The following RBFOX1 variants were observed in gnomAD, a reference collection of about 807,000 sequenced individuals.
RBFOX1 encodes the protein RNA binding fox-1 homolog 1.
Under a neutral mutation model 57.7 loss-of-function variants are expected in RBFOX1, and 8 were observed. The observed-to-expected ratio is 0.14, with a 90% CI of 0.08 to 0.25. The LOEUF is 0.25. RBFOX1 is among the 10% of genes least tolerant of loss of function. The probability of loss-of-function intolerance (pLI) is 1.00; values close to 1 mark genes in which losing one functional copy is unlikely to be tolerated. For synonymous variants in RBFOX1, 326 were observed against 222.4 expected, an observed-to-expected ratio of 1.47 and a Z score of -4.15; for missense variants, 611 against 548.5, an observed-to-expected ratio of 1.11 and a Z score of -1.14.
chr16:7,156,591 A>G (rs2077200554), intron 4 of RBFOX1, among the ~76,000 whole-genome samples: 2 of 152,164 alleles, frequency 1.3e-5, no homozygotes, highest in African/African-American at 4.8e-5. Flanking sequence ...GCATGCAGAT[A>G]TACATATATG....
chr16:7,630,508 T>C, intron 10 of RBFOX1, 95 bp from the exon 11 acceptor site: 1 of 1,566,160 alleles, frequency 6.4e-7, no homozygotes, highest in Non-Finnish European at 8.6e-7. Context: ...GGCTATGTTT[T>C]CATTTCTCTG....
chr16:6,449,851 A>G (rs921844591), intron 2 of RBFOX1, among the ~76,000 whole-genome samples: 8 of 152,182 alleles, frequency 5.3e-5, no homozygotes, highest in Admixed American at 6.5e-5. Flanking sequence ...AATCTGCAGG[A>G]AAGTGGATAT....
At chr16:5,691,141 G>C (rs1163518350) in intron 3 of RBFOX1, among the ~76,000 whole-genome samples, 5 of 152,180 alleles carry the variant, frequency 3.3e-5, no homozygotes. Context: ...TAGTTGTTAA[G>C]TTTTCCCTTA....
chr16:6,843,791 A>G (rs993977160), intron 3 of RBFOX1, among the ~76,000 whole-genome samples: 5 of 152,218 alleles, frequency 3.3e-5, no homozygotes, highest in African/African-American at 9.6e-5. Context: ...ATTCTGTTCC[A>G]TGCCAAAAGA....
chr16:6,216,776 T>A (rs576334508), intron 1 of RBFOX1, among the ~76,000 whole-genome samples: 2 of 152,354 alleles, frequency 1.3e-5, no homozygotes, highest in African/African-American at 2.4e-5. Flanking sequence ...AAAAGCAAAT[T>A]CTTTTATTTC....
intron 2 of RBFOX1, among the ~76,000 whole-genome samples, chr16:6,395,872 C>G (rs1198984485): frequency 6.6e-6 from 1 of 151,724 alleles, no homozygotes; most frequent in Non-Finnish European, 1.5e-5. Flanking sequence ...TCATGAGCAG[C>G]CTGGGCAACA....
chr16:7,340,410 A>G (rs891815809), intron 4 of RBFOX1, among the ~76,000 whole-genome samples: 1 of 152,192 alleles, frequency 6.6e-6, no homozygotes, highest in African/African-American at 2.4e-5. Flanking sequence ...TGGCTTCTCC[A>G]TTCATGATCA....
Position 5,520,524 on chromosome 16 carries a change from A to T in RBFOX1, c.258+53270A>T, listed in dbSNP as rs534151491. Among the ~76,000 whole-genome samples the T allele has an allele frequency of 2.6e-5, 4 of 152,292 alleles. No homozygotes were observed. The South Asian group carries it at 8.3e-4, about 32-fold the overall frequency. On this transcript the variant is annotated intron_variant, in intron 2 of 2. Transcript: ENST00000585867. ...GGGTTTCTGGGAAAACATTTTCACA[A>T]TTCTCTCCCTTCCTATATCCTTCTG...
intron 3 of RBFOX1, among the ~76,000 whole-genome samples, chr16:6,858,801 G>C (rs1314954828): frequency 6.6e-6 from 1 of 152,088 alleles, no homozygotes; most frequent in Non-Finnish European, 1.5e-5. Context: ...AATTAGAGCA[G>C]TGGCATTCGC....
At chr16:5,323,393 G>A (rs1307838353) in intron 1 of RBFOX1, among the ~76,000 whole-genome samples, 2 of 152,130 alleles carry the variant, frequency 1.3e-5, no homozygotes, top group African/African-American at 4.8e-5. Context: ...TGAATGGGTC[G>A]TGACCCGCAG....
At chr16:7,599,708 T>C (rs6500996) in intron 9 of RBFOX1, among the ~76,000 whole-genome samples, 133,660 of 146,126 alleles carry the variant, frequency 0.91, 61,435 homozygotes, top group African/African-American at 0.96. Context: ...GGCAGTGGCA[T>C]GCTATTGGCT....
chr16:6,834,009 G>A (rs2092905536), intron 3 of RBFOX1, among the ~76,000 whole-genome samples: 1 of 152,220 alleles, frequency 6.6e-6, no homozygotes, highest in East Asian at 1.9e-4. Context: ...AGTACACTGG[G>A]AAGCCATTGG....
chr16:7,004,321 T>C (rs1000971383), intron 3 of RBFOX1, among the ~76,000 whole-genome samples: 1 of 152,188 alleles, frequency 6.6e-6, no homozygotes, highest in Non-Finnish European at 1.5e-5. Context: ...TAAGGTTATA[T>C]TTGTGTATTA....
chr16:6,046,722 G>A (rs2095499703), intron 1 of RBFOX1, among the ~76,000 whole-genome samples: 1 of 152,140 alleles, frequency 6.6e-6, no homozygotes, highest in Non-Finnish European at 1.5e-5. Flanking sequence ...TAACCTTGCA[G>A]AGATTTCAAT....
intron 1 of RBFOX1, among the ~76,000 whole-genome samples, chr16:6,263,330 C>G (rs1023568401): frequency 2.6e-5 from 4 of 152,086 alleles, no homozygotes; most frequent in Non-Finnish European, 5.9e-5. Flanking sequence ...CATGCTCAAA[C>G]TGTGGGGCCG....
In RBFOX1 at chr16:6,795,568, C is replaced by T. The variant is rs192451157; in HGVS notation, c.-16+140918C>T. ...GAATCACGAGGTCACAAGTTCAAGA[C>T]CAGCCTGGCCAATGTGGTGAAACCC... On this transcript the variant is annotated intron_variant, in intron 3 of 15. Transcript: ENST00000550418. Among the ~76,000 whole-genome samples, 614 of 152,054 alleles carry T rather than the reference C, an allele frequency of 4.0e-3. 2 individuals carry two copies. Among genetic ancestry groups the T allele is most frequent in the Non-Finnish European group, 6.6e-3 (447 of 67,988 alleles).
At chr16:5,762,852 C>T (rs762857316) in intron 3 of RBFOX1, among the ~76,000 whole-genome samples, 1 of 152,102 alleles carries the variant, frequency 6.6e-6, no homozygotes, top group Non-Finnish European at 1.5e-5. Flanking sequence ...TGGCATATTG[C>T]ATGGCTTTGG....
At chr16:6,741,494 T>A (rs1328108563) in intron 3 of RBFOX1, among the ~76,000 whole-genome samples, 2 of 151,904 alleles carry the variant, frequency 1.3e-5, no homozygotes, top group Non-Finnish European at 2.9e-5. Context: ...CGAAACCCTG[T>A]CTGTATTAAA....
At chr16:6,050,525 G>T (rs907676453) in intron 1 of RBFOX1, among the ~76,000 whole-genome samples, 2 of 152,066 alleles carry the variant, frequency 1.3e-5, no homozygotes, top group Non-Finnish European at 2.9e-5. Flanking sequence ...TACATTGATC[G>T]ATTGTCTCCC....
Sources: allele counts gnomAD v4.1 joint callset (sites outside exome capture counted in the v4.1 genomes callset), GRCh38; gene constraint gnomAD v4.1.1; transcripts MANE v1.5; gene names NCBI Gene and HGNC (gene_info 2026-07-23, HGNC 2026-07-21).